The following C1QC variants were observed in gnomAD, a reference collection of about 807,000 sequenced individuals.
C1QC encodes complement C1q subcomponent subunit C.
Under a neutral mutation model 5.9 loss-of-function variants are expected in C1QC, and 4 were observed. That is an observed-to-expected ratio of 0.68 (90% CI 0.33 to 1.55). The LOEUF (loss-of-function observed/expected upper bound fraction) is 1.55, where lower values mean the gene tolerates loss of function less well. Among genes scored for constraint, C1QC ranks in the 40% most tolerant of loss-of-function variants. The pLI, the probability that C1QC is intolerant of heterozygous loss-of-function variation, is 0.06. For missense variants in C1QC, 299 were observed against 326.9 expected, an observed-to-expected ratio of 0.91 and a Z score of 0.66; for synonymous variants, 166 against 153.8, an observed-to-expected ratio of 1.08 and a Z score of -0.59.
At chr1:22,645,572 A>G (rs747235606) in intron 2 of C1QC, among the ~76,000 whole-genome samples, 4 of 151,898 alleles carry the variant, frequency 2.6e-5, no homozygotes, top group African/African-American at 4.8e-5. Flanking sequence ...CCCCCTCTCA[A>G]TTGGTGGTTT....
At position 22,647,457 on chromosome 1, in the gene C1QC, A is replaced by G; in HGVS notation, c.412A>G (p.Ile138Val). The change falls in exon 3 of 3, where the codon ATC becomes GTC. Residue 138 changes from isoleucine (I) to valine (V), a missense_variant. Ile to Val is a conservative substitution (Grantham distance 29, BLOSUM62 3). Transcript: ENST00000374640. Reference protein sequence around the residue: ...THQPPAPNSLIRFNAVLTNPQ... With the variant: ...THQPPAPNSLVRFNAVLTNPQ... ...CCAGCCCCCTGCACCCAACAGCCTG[A>G]TCAGATTCAACGCGGTCCTCACCAA... 6.2e-7 allele frequency: 1 copy of G among 1,614,152 alleles called. No homozygotes were observed. The highest frequency in any genetic ancestry group is 8.5e-7 in the Non-Finnish European group (1 of 1,180,024).
At chr1:22,643,842 G>T in intron 1 of C1QC, 128 bp downstream of exon 1, 8 of 1,365,290 alleles carry the variant, frequency 5.9e-6, no homozygotes, top group Non-Finnish European at 7.6e-6. Flanking sequence ...CTCCTGCTGG[G>T]CCCCGGGGCC....
intron 2 of C1QC, among the ~76,000 whole-genome samples, chr1:22,645,573 T>C (rs771207805): frequency 3.3e-5 from 5 of 152,102 alleles, no homozygotes; most frequent in Non-Finnish European, 5.9e-5. Context: ...CCCCTCTCAA[T>C]TGGTGGTTTG....
rs920006644 is a variant in C1QC, at chr1:22,644,259, C to T, written c.181+55C>T. ...GGGTCTGGGGCAGGGATCAGAGTGTCTGTCTGGGGCTGACCAAGGGGGCGG... is the reference window on the plus strand; with the variant it reads ...GGGTCTGGGGCAGGGATCAGAGTGTTTGTCTGGGGCTGACCAAGGGGGCGG... On this transcript the variant is annotated intron_variant, in intron 2 of 2. Coordinates refer to ENST00000374640, the MANE Select transcript of C1QC (RefSeq NM_172369.5). The T allele has an allele frequency of 2.7e-6, 4 of 1,481,432 alleles. No individual in the cohort carries two copies. In the African/African-American group the frequency reaches 5.6e-5, roughly 21 times the overall value. 91.8% of individuals were successfully genotyped at this position (1,481,432 alleles called of 1,614,324 possible). A position where few individuals can be genotyped will look rare whatever the true frequency, so the allele number is the denominator to read the frequency against.
intron 2 of C1QC, among the ~76,000 whole-genome samples, chr1:22,645,227 A>C (rs1185807278): frequency 1.3e-5 from 2 of 152,070 alleles, no homozygotes. Context: ...GGGTGAGCTC[A>C]AAGCTCAATG....
In C1QC at chr1:22,647,316, G is replaced by A; in HGVS notation, c.271G>A (p.Gly91Arg). ...CCATCCTGGGAAAAATGGCCCCATG[G>A]GACCCCCTGGGATGCCAGGGGTGCC... ...PGHPGKNGPM[G>R]PPGMPGVPGP... Residue 91 changes from glycine to arginine, a missense_variant, in exon 3 of 3, where the codon GGA (glycine) becomes AGA (arginine). Around this residue, in one of 3 missense-constraint regions of C1QC, gnomAD observed 146 missense variants for 144.1 expected, o/e 1.01. Coordinates refer to ENST00000374640, the MANE Select transcript of C1QC (RefSeq NM_172369.5). 6.2e-7 allele frequency: 1 copy of A among 1,613,816 alleles called. No homozygotes were observed. Among genetic ancestry groups the A allele is most frequent in the Non-Finnish European group, 8.5e-7 (1 of 1,179,960 alleles).
At chr1:22,643,889 G>T in intron 1 of C1QC, 122 bp from the exon 2 acceptor site, 1 of 1,391,348 alleles carries the variant, frequency 7.2e-7, no homozygotes. Context: ...CATCCATGGT[G>T]AGGCTCCTGG....
At position 22,647,890 on chromosome 1, in the gene C1QC, C is replaced by G. The variant is rs1222242217; in HGVS notation, c.*107C>G. The G allele has an allele frequency of 6.1e-6, 4 of 654,234 alleles. No individual in the cohort carries two copies. The East Asian group carries it at 2.3e-4, about 37-fold the overall frequency. 40.5% of individuals were successfully genotyped at this position (654,234 alleles called of 1,614,324 possible). A position where few individuals can be genotyped will look rare whatever the true frequency, so the allele number is the denominator to read the frequency against. ...ATCCTTGCCTAGACCATTCTCCCCACCAGATGGACTTCTCCTCCAGGGAGC... is the reference window on the plus strand; with the variant it reads ...ATCCTTGCCTAGACCATTCTCCCCAGCAGATGGACTTCTCCTCCAGGGAGC... On this transcript the variant is annotated 3_prime_UTR_variant, in exon 3 of 3. Coordinates refer to ENST00000374640, the MANE Select transcript of C1QC (RefSeq NM_172369.5).
rs1642385989 is a variant in C1QC at position 22,647,347 on chromosome 1, C to T, written c.302C>T (p.Pro101Leu). The change falls in exon 3 of 3, where the codon CCC (proline) becomes CTC (leucine). Residue 101 changes from proline (P) to leucine (L), a missense_variant. By Grantham distance (98) the Pro-to-Leu change is moderately conservative. Around this residue, in one of 3 missense-constraint regions of C1QC, gnomAD observed 146 missense variants for 144.1 expected, o/e 1.01. Transcript: ENST00000374640. Reference protein sequence around the residue: ...GPPGMPGVPGPMGIPGEPGEE... With the variant: ...GPPGMPGVPGLMGIPGEPGEE... ...CCTGGGATGCCAGGGGTGCCCGGCC[C>T]CATGGGCATCCCTGGAGAGCCAGGT... 4.3e-6 allele frequency: 7 copies of T among 1,614,032 alleles called. No homozygotes were observed. Among genetic ancestry groups the T allele is most frequent in the Non-Finnish European group, 5.9e-6 (7 of 1,179,996 alleles).
intron 2 of C1QC, among the ~76,000 whole-genome samples, chr1:22,644,852 G>T (rs1642342778): frequency 6.6e-6 from 1 of 152,158 alleles, no homozygotes; most frequent in African/African-American, 2.4e-5. Flanking sequence ...TGGATAGTTG[G>T]AGGGGTGGGG....
At chr1:22,647,161 C>T in intron 2 of C1QC, 66 bp from the exon 3 acceptor site, 2 of 1,564,670 alleles carry the variant, frequency 1.3e-6, no homozygotes, top group Non-Finnish European at 1.7e-6. Context: ...CCCTGGAAGA[C>T]ACCCTCAGGG....
Position 22,647,354 on chromosome 1 carries a change from C to T in C1QC, c.309C>T (p.Gly103=), listed in dbSNP as rs1642386244. Residue 103 remains glycine, a synonymous_variant, in exon 3 of 3, where the codon GGC becomes GGT. Transcript: ENST00000374640. ...PGMPGVPGPM[G]IPGEPGEEGR... is the part of the protein sequence containing the mutation. ...TGCCAGGGGTGCCCGGCCCCATGGG[C>T]ATCCCTGGAGAGCCAGGTGAGGAGG... 1 of 1,614,056 alleles carries T rather than the reference C, an allele frequency of 6.2e-7. No individual in the cohort carries two copies. Among genetic ancestry groups the T allele is most frequent in the Non-Finnish European group, 8.5e-7 (1 of 1,179,988 alleles).
chr1:22,644,244 C>A lies in C1QC; in HGVS notation c.181+40C>A, dbSNP rs1178016483. On this transcript the variant is annotated intron_variant, in intron 2 of 2. Transcript: ENST00000374640. ...CTGGTTTGGGGGTTTGGGTCTGGGG[C>A]AGGGATCAGAGTGTCTGTCTGGGGC... is the stretch of plus-strand genomic sequence containing the variant. The A allele has an allele frequency of 3.3e-6, 5 of 1,519,686 alleles. No individual in the cohort carries two copies. In the African/African-American group the frequency reaches 6.9e-5, roughly 21 times the overall value. The allele number at this position is 1,519,686 out of a possible 1,614,324, so 94.1% of individuals were successfully genotyped here.
chr1:22,647,159 G>T, intron 2 of C1QC, 68 bp from the exon 3 acceptor site: 1 of 1,560,682 alleles, frequency 6.4e-7, no homozygotes, highest in South Asian at 1.1e-5. Context: ...TTCCCTGGAA[G>T]ACACCCTCAG....
rs1027207816 is a variant in C1QC at position 22,647,378 on chromosome 1, G to A, written c.333G>A (p.Glu111=). The part of the protein sequence containing the change: ...PMGIPGEPGE[E]GRYKQKFQSV... ...GCATCCCTGGAGAGCCAGGTGAGGA[G>A]GGCAGATACAAGCAGAAATTCCAGT... Residue 111 remains glutamate (E), a synonymous_variant, in exon 3 of 3, where the codon GAG becomes GAA. Transcript: ENST00000374640. The A allele has an allele frequency of 1.3e-5, 21 of 1,613,954 alleles. No individual in the cohort carries two copies. Among genetic ancestry groups the A allele is most frequent in the Non-Finnish European group, 1.6e-5 (19 of 1,180,030 alleles).
Position 22,647,918 on chromosome 1 carries a change from A to T in C1QC, c.*135A>T. 9.5e-7 allele frequency: 1 copy of T among 1,047,474 alleles called. No individual in the cohort carries two copies. Among genetic ancestry groups the T allele is most frequent in the Non-Finnish European group, 1.3e-6 (1 of 761,922 alleles). The allele number at this position is 1,047,474 out of a possible 1,614,324, so 64.9% of individuals were successfully genotyped here. A position where few individuals can be genotyped will look rare whatever the true frequency, so the allele number is the denominator to read the frequency against. On this transcript the variant is annotated 3_prime_UTR_variant, in exon 3 of 3. Transcript: ENST00000374640. Reference sequence around the variant, plus strand: ...GATGGACTTCTCCTCCAGGGAGCCCACCCTGACCCACCCCCACTGCACCCC... The same window carrying T: ...GATGGACTTCTCCTCCAGGGAGCCCTCCCTGACCCACCCCCACTGCACCCC...
chr1:22,646,125 G>A (rs1434237366), intron 2 of C1QC, among the ~76,000 whole-genome samples: 3 of 152,230 alleles, frequency 2.0e-5, no homozygotes, highest in African/African-American at 7.2e-5. Context: ...CAAACTGGCT[G>A]CACGGCCTTG....
intron 2 of C1QC, 83 bp downstream of exon 2, chr1:22,644,287 G>C (rs188394725): frequency 6.9e-7 from 1 of 1,445,604 alleles, no homozygotes; most frequent in African/African-American, 1.4e-5. Flanking sequence ...GGGGGCGGGG[G>C]ACAGCAGGAA....
At chr1:22,643,812 G>T in intron 1 of C1QC, 98 bp downstream of exon 1, 1 of 1,349,734 alleles carries the variant, frequency 7.4e-7, no homozygotes, top group African/African-American at 1.5e-5. Flanking sequence ...CTTGGTGTGT[G>T]AGGGGAAGGA....
Sources: gnomAD v4.1 joint callset for allele counts (sites outside exome capture counted in the v4.1 genomes callset) on GRCh38, gnomAD v4.1.1 for gene constraint, gnomAD v4.1.1 regional missense constraint, MANE v1.5 for transcripts, NCBI Gene and HGNC (gene_info 2026-07-23, HGNC 2026-07-21) for gene names.